The following ADGRB3 variants were observed in gnomAD, a reference collection of about 807,000 sequenced individuals.
The protein encoded by ADGRB3 is adhesion G protein-coupled receptor B3.
A neutral mutation model predicts 193.4 loss-of-function variants in ADGRB3; 37 were observed. The ratio of observed to expected loss-of-function variants is 0.19; its 90% confidence interval spans 0.15 to 0.25. The LOEUF (loss-of-function observed/expected upper bound fraction) is 0.25. ADGRB3 is among the 10% of genes least tolerant of loss of function. The probability of loss-of-function intolerance (pLI) is 1.00; values close to 1 mark genes in which losing one functional copy is unlikely to be tolerated. For missense variants in ADGRB3, 1,637 were observed against 1,852.9 expected, an observed-to-expected ratio of 0.88 and a Z score of 2.14; for synonymous variants, 690 against 644.2, an observed-to-expected ratio of 1.07 and a Z score of -1.08.
chr6:68,880,928 A>G lies in ADGRB3; in HGVS notation c.758-49631A>G, dbSNP rs535090293. On this transcript the variant is annotated intron_variant, in intron 3 of 31. Transcript: ENST00000370598. ...TAAAGGAATATAAAGCTAATAAAAA[A>G]TTCAGCCCTATTTGTATAAATTTTA... Among the ~76,000 whole-genome samples the G allele has an allele frequency of 2.2e-3, 342 of 152,352 alleles. 1 individual carries two copies. Among genetic ancestry groups the G allele is most frequent in the African/African-American group, 8.0e-3 (331 of 41,578 alleles).
At chr6:68,862,618 C>T (rs949306241) in intron 3 of ADGRB3, among the ~76,000 whole-genome samples, 5 of 152,172 alleles carry the variant, frequency 3.3e-5, no homozygotes, top group African/African-American at 1.2e-4. Context: ...ATGTCCTTAG[C>T]TAAGTTTACT....
chr6:68,960,100 T>A (rs1768190592), intron 8 of ADGRB3, among the ~76,000 whole-genome samples: 1 of 152,202 alleles, frequency 6.6e-6, no homozygotes, highest in Admixed American at 6.5e-5. Flanking sequence ...TTTGCCCTGC[T>A]CCCAGGAGAA....
chr6:68,721,676 A>G (rs1765585130), intron 3 of ADGRB3, among the ~76,000 whole-genome samples: 1 of 147,426 alleles, frequency 6.8e-6, no homozygotes, highest in African/African-American at 2.5e-5. Flanking sequence ...CTCAACTTCA[A>G]TAAGCTATAG....
chr6:69,086,538 G>C (rs1353163831), intron 17 of ADGRB3, among the ~76,000 whole-genome samples: 1 of 152,120 alleles, frequency 6.6e-6, no homozygotes, highest in African/African-American at 2.4e-5. Flanking sequence ...TTAGCAGTGA[G>C]ATTATGTTTA....
At chr6:68,941,519 A>G (rs1426815445) in intron 5 of ADGRB3, among the ~76,000 whole-genome samples, 2 of 152,140 alleles carry the variant, frequency 1.3e-5, no homozygotes, top group African/African-American at 4.8e-5. Flanking sequence ...AAATATGCCA[A>G]TTTAGCATCT....
At chr6:69,179,537 G>A (rs1446453021) in intron 17 of ADGRB3, among the ~76,000 whole-genome samples, 4 of 152,108 alleles carry the variant, frequency 2.6e-5, no homozygotes, top group African/African-American at 9.7e-5. Context: ...TCCTTTGCTG[G>A]CATCACTACA....
intron 13 of ADGRB3, among the ~76,000 whole-genome samples, chr6:69,045,319 C>T (rs564799639): frequency 6.6e-6 from 1 of 152,272 alleles, no homozygotes; most frequent in South Asian, 2.1e-4. Context: ...CTATTTTAGA[C>T]ATCTGCCTAT....
intron 3 of ADGRB3, among the ~76,000 whole-genome samples, chr6:68,899,308 T>C (rs1345343721): frequency 1.3e-5 from 2 of 152,160 alleles, no homozygotes; most frequent in Non-Finnish European, 2.9e-5. Context: ...TTTTTTATTA[T>C]ACTTTAAATT....
At chr6:68,968,520 A>G (rs1397348956) in intron 8 of ADGRB3, among the ~76,000 whole-genome samples, 1 of 152,208 alleles carries the variant, frequency 6.6e-6, no homozygotes, top group Non-Finnish European at 1.5e-5. Context: ...GGAAATTTGA[A>G]TTTCAAAGCA....
chr6:68,965,215 T>A (rs1768343797), intron 8 of ADGRB3, among the ~76,000 whole-genome samples: 1 of 152,218 alleles, frequency 6.6e-6, no homozygotes, highest in Admixed American at 6.6e-5. Flanking sequence ...AATGCTGTTA[T>A]GAAACACACT....
chr6:68,743,415 A>G (rs1180338224), intron 3 of ADGRB3, among the ~76,000 whole-genome samples: 1 of 144,974 alleles, frequency 6.9e-6, no homozygotes, highest in Admixed American at 6.9e-5. Context: ...TAAGTGCTCC[A>G]TTTTTTTTTT....
intron 28 of ADGRB3, among the ~76,000 whole-genome samples, chr6:69,357,978 G>T (rs1697577850): frequency 6.6e-6 from 1 of 151,886 alleles, no homozygotes; most frequent in Non-Finnish European, 1.5e-5. Flanking sequence ...TTCCAAGATG[G>T]AATGTGATTT....
intron 11 of ADGRB3, among the ~76,000 whole-genome samples, chr6:68,995,435 A>G (rs944065474): frequency 1.3e-5 from 2 of 152,196 alleles, no homozygotes; most frequent in Admixed American, 1.3e-4. Context: ...CAAGTTCAAG[A>G]AATTAATGTG....
At chr6:68,904,454 G>A (rs529570136) in intron 3 of ADGRB3, among the ~76,000 whole-genome samples, 6 of 152,148 alleles carry the variant, frequency 3.9e-5, no homozygotes, top group South Asian at 2.1e-4. Context: ...TACTTCTCTC[G>A]TTTGGCTTTG....
intron 17 of ADGRB3, among the ~76,000 whole-genome samples, chr6:69,188,223 G>A (rs1765108284): frequency 6.6e-6 from 1 of 151,964 alleles, no homozygotes; most frequent in Admixed American, 6.6e-5. Flanking sequence ...ACCCTGATAG[G>A]GAAAAGGACT....
intron 17 of ADGRB3, among the ~76,000 whole-genome samples, chr6:69,083,598 T>G (rs1772457533): frequency 6.6e-6 from 1 of 152,102 alleles, no homozygotes. Context: ...TAGATCAAGA[T>G]GAGAATAAGT....
intron 20 of ADGRB3, among the ~76,000 whole-genome samples, chr6:69,258,493 A>T (rs531087977): frequency 6.6e-6 from 1 of 152,380 alleles, no homozygotes; most frequent in Admixed American, 6.5e-5. Flanking sequence ...TAATGCATTC[A>T]GCAAAGGGAA....
At chr6:68,837,332 G>A (rs966117052) in intron 3 of ADGRB3, among the ~76,000 whole-genome samples, 2 of 152,100 alleles carry the variant, frequency 1.3e-5, no homozygotes, top group African/African-American at 4.8e-5. Context: ...TCAATATAAT[G>A]TAAAAAGTGA....
chr6:69,282,228 C>A (rs776616756), intron 20 of ADGRB3, among the ~76,000 whole-genome samples: 1 of 152,116 alleles, frequency 6.6e-6, no homozygotes, highest in African/African-American at 2.4e-5. Flanking sequence ...AAGCTGCTTA[C>A]ATAGAAATCC....
Sources: allele counts gnomAD v4.1 joint callset (sites outside exome capture counted in the v4.1 genomes callset), GRCh38; gene constraint gnomAD v4.1.1; transcripts MANE v1.5; gene names NCBI Gene and HGNC (gene_info 2026-07-23, HGNC 2026-07-21).